The following ZCCHC24 variants were observed in gnomAD, a reference collection of about 807,000 sequenced individuals.
ZCCHC24 encodes zinc finger CCHC-type containing 24, also known as zinc finger CCHC domain-containing protein 24.
A neutral mutation model predicts 26.2 loss-of-function variants in ZCCHC24; 10 were observed. That is an observed-to-expected ratio of 0.38 (90% CI 0.24 to 0.65). ZCCHC24 has a LOEUF of 0.65. ZCCHC24 is among the 30% of genes least tolerant of loss of function. The probability of loss-of-function intolerance (pLI) is 0.54; values close to 1 mark genes in which losing one functional copy is unlikely to be tolerated. For missense variants in ZCCHC24, 243 were observed against 329.1 expected (o/e 0.74, Z 2.03); for synonymous variants, 144 against 147.1 (o/e 0.98, Z 0.15).
At chr10:79,410,795 T>G (rs1293114897) in intron 2 of ZCCHC24, among the ~76,000 whole-genome samples, 103 of 86,006 alleles carry the variant, frequency 1.2e-3, no homozygotes, top group Admixed American at 1.5e-3. Flanking sequence ...GTGGTGGGGG[T>G]GTGGTCTGGG....
At chr10:79,432,508 CAGGTCAGTAGG>C (rs1304427391) in intron 2 of ZCCHC24, 39 bp downstream of exon 2, 1 of 1,563,710 alleles carries the variant, frequency 6.4e-7, no homozygotes, top group Non-Finnish European at 8.6e-7. Context: ...AGCCTGTCCG[CAGGTCAGTAGG>C]GGAGCCCAAG....
chr10:79,386,486 G>A (rs369130766), intron 3 of ZCCHC24, 28 bp from the exon 4 acceptor site: 1 of 1,530,462 alleles, frequency 6.5e-7, no homozygotes, highest in African/African-American at 1.4e-5. Context: ...AAGGGGCCCA[G>A]GGGAGTGAGG....
At chr10:79,399,779 C>G (rs955490720) in intron 2 of ZCCHC24, among the ~76,000 whole-genome samples, 1 of 152,226 alleles carries the variant, frequency 6.6e-6, no homozygotes, top group Non-Finnish European at 1.5e-5. Flanking sequence ...AGGGGCCCCC[C>G]GGGCAAGCCA....
At chr10:79,397,944 A>G (rs1013680950) in intron 2 of ZCCHC24, among the ~76,000 whole-genome samples, 2 of 152,232 alleles carry the variant, frequency 1.3e-5, no homozygotes, top group African/African-American at 4.8e-5. Context: ...ACAGATAAAG[A>G]AGACACTGAG....
intron 3 of ZCCHC24, among the ~76,000 whole-genome samples, chr10:79,391,698 G>C (rs1020026776): frequency 6.6e-6 from 1 of 151,710 alleles, no homozygotes; most frequent in Admixed American, 6.6e-5. Flanking sequence ...GCCCTTCCAG[G>C]CTCCAAGCTA....
chr10:79,389,077 C>T (rs1856436858), intron 3 of ZCCHC24, among the ~76,000 whole-genome samples: 1 of 152,230 alleles, frequency 6.6e-6, no homozygotes, highest in South Asian at 2.1e-4. Flanking sequence ...TCCCTCCCAG[C>T]CCGTCTGAGT....
chr10:79,436,909 C>T (rs1857224213), intron 1 of ZCCHC24, among the ~76,000 whole-genome samples: 1 of 152,176 alleles, frequency 6.6e-6, no homozygotes, highest in Non-Finnish European at 1.5e-5. Flanking sequence ...GTCAGTGACC[C>T]CAGCAGGTAG....
chr10:79,414,877 C>G (rs527735233), intron 2 of ZCCHC24, among the ~76,000 whole-genome samples: 3 of 152,202 alleles, frequency 2.0e-5, no homozygotes, highest in Non-Finnish European at 4.4e-5. Context: ...TGTCTAACCT[C>G]TCCTCCATAT....
At chr10:79,432,863 C>T (rs972361155) in intron 1 of ZCCHC24, 105 bp from the exon 2 acceptor site, 8 of 1,289,764 alleles carry the variant, frequency 6.2e-6, no homozygotes, top group Non-Finnish European at 7.3e-6. Context: ...TTCAGCTACC[C>T]GAGGGCTCTG....
intron 2 of ZCCHC24, among the ~76,000 whole-genome samples, chr10:79,424,029 A>C (rs1464608351): frequency 6.7e-6 from 1 of 149,882 alleles, no homozygotes; most frequent in Non-Finnish European, 1.5e-5. Flanking sequence ...AAAAAAAAAA[A>C]AAAAAAGAAA....
chr10:79,418,416 G>A (rs1356646323), intron 2 of ZCCHC24, among the ~76,000 whole-genome samples: 4 of 152,176 alleles, frequency 2.6e-5, no homozygotes, highest in Non-Finnish European at 5.9e-5. Context: ...CCCTCTGCCT[G>A]CCAGGCAGAC....
intron 2 of ZCCHC24, among the ~76,000 whole-genome samples, chr10:79,431,918 G>A (rs1441710552): frequency 6.6e-6 from 1 of 152,216 alleles, no homozygotes; most frequent in Non-Finnish European, 1.5e-5. Flanking sequence ...CCTGTAGGTG[G>A]GCTGGCATGG....
At chr10:79,424,031 A>G (rs12219413) in intron 2 of ZCCHC24, among the ~76,000 whole-genome samples, 37,123 of 149,258 alleles carry the variant, frequency 0.25, 5,254 homozygotes, top group East Asian at 0.53. Context: ...AAAAAAAAAA[A>G]AAAAGAAAAG....
At chr10:79,412,623 C>T (rs1030034505) in intron 2 of ZCCHC24, among the ~76,000 whole-genome samples, 2 of 152,210 alleles carry the variant, frequency 1.3e-5, no homozygotes, top group Admixed American at 6.5e-5. Flanking sequence ...TTTCCCTGGC[C>T]GTGGACTGCC....
intron 3 of ZCCHC24, 135 bp downstream of exon 3, chr10:79,394,141 A>G: frequency 3.1e-6 from 4 of 1,271,588 alleles, no homozygotes; most frequent in Non-Finnish European, 4.2e-6. Context: ...CTTCCCTCCC[A>G]TTTCAGATGA....
chr10:79,432,027 G>A (rs1857137697), intron 2 of ZCCHC24, among the ~76,000 whole-genome samples: 1 of 152,210 alleles, frequency 6.6e-6, no homozygotes, highest in Non-Finnish European at 1.5e-5. Context: ...CCGCCCTGCA[G>A]TGCCTGAAGC....
intron 2 of ZCCHC24, among the ~76,000 whole-genome samples, chr10:79,406,468 G>A (rs1442352588): frequency 2.0e-5 from 3 of 152,130 alleles, no homozygotes; most frequent in Non-Finnish European, 4.4e-5. Flanking sequence ...CTTCACCAAG[G>A]GGCTGGAAAG....
Position 79,445,182 on chromosome 10 carries a change from C to A in ZCCHC24, c.246+13G>T. ...CGGTGGGGCGGTGGGCGGGGGCGCG[C>A]GGGGGCACCCACCTCTCCGCGCTGC... On this transcript the variant is annotated intron_variant, in intron 1 of 3. Transcript: ENST00000372336. 1 of 1,152,686 alleles carries A rather than the reference C, an allele frequency of 8.7e-7. No homozygotes were observed. Among genetic ancestry groups the A allele is most frequent in the Non-Finnish European group, 1.1e-6 (1 of 916,508 alleles). 71.4% of individuals were successfully genotyped at this position (1,152,686 alleles called of 1,614,324 possible).
intron 1 of ZCCHC24, among the ~76,000 whole-genome samples, chr10:79,437,616 GT>G: frequency 6.6e-6 from 1 of 152,304 alleles, no homozygotes; most frequent in Non-Finnish European, 1.5e-5. Flanking sequence ...AAAATGCCAG[GT>G]GCGGACCACT....
Sources: allele counts gnomAD v4.1 joint callset (sites outside exome capture counted in the v4.1 genomes callset), GRCh38; gene constraint gnomAD v4.1.1; transcripts MANE v1.5; gene names NCBI Gene and HGNC (gene_info 2026-07-23, HGNC 2026-07-21).